Variants in KIAA1191 observed in about 807,000 individuals in gnomAD.
The protein encoded by KIAA1191 is putative monooxygenase p33MONOX.
In KIAA1191, 22 loss-of-function variants were observed where a neutral mutation model predicts 31.1. The ratio of observed to expected loss-of-function variants is 0.71; its 90% CI spans 0.51 to 1.01. The LOEUF is 1.01. Among genes scored for constraint, KIAA1191 ranks in the 50% least tolerant of loss-of-function variants. The probability of loss-of-function intolerance (pLI) is 0.00; values close to 1 mark genes in which losing one functional copy is unlikely to be tolerated. For synonymous variants in KIAA1191, 130 were observed against 143.9 expected (o/e 0.90, Z 0.69); for missense variants, 319 against 388.0 (o/e 0.82, Z 1.49).
rs1766609114 is a variant in KIAA1191 at position 176,347,497 on chromosome 5, A to G, written c.*103T>C. On this transcript the variant is annotated 3_prime_UTR_variant, in exon 9 of 9. Transcript: ENST00000298569. ...ATTACAGGCGTGAGCCACCACGCCC[A>G]GCTGATTAAGTTTTTAAATATACCT... 1.0e-6 allele frequency: 1 copy of G among 969,832 alleles called. No individual in the cohort carries two copies. The highest frequency in any genetic ancestry group is 1.4e-6 in the Non-Finnish European group (1 of 690,458). The allele number at this position is 969,832 out of a possible 1,614,324, so 60.1% of individuals were successfully genotyped here. A position where few individuals can be genotyped will look rare whatever the true frequency, so the allele number is the denominator to read the frequency against.
intron 6 of KIAA1191, among the ~76,000 whole-genome samples, chr5:176,349,606 G>C (rs1174197087): frequency 6.6e-6 from 1 of 152,074 alleles, no homozygotes; most frequent in African/African-American, 2.4e-5. Flanking sequence ...CCGGGAGGCA[G>C]AGGTTGCAGT....
rs192037999 is a variant in KIAA1191 at position 176,361,548 on chromosome 5, T to A, written c.-168+54A>T. On this transcript the variant is annotated intron_variant, in intron 1 of 8. Coordinates refer to ENST00000298569, the MANE Select transcript of KIAA1191 (RefSeq NM_020444.5). This position sits in a 1 kb window ranked among gnomAD's most constrained non-coding sequence, Gnocchi z 4.0. ...CGGGCCTCGCCGGAAGCGCCCCTCCTGATCGCCAGAGAACGCAGCCCCAAG... is the reference window on the plus strand; with the variant it reads ...CGGGCCTCGCCGGAAGCGCCCCTCCAGATCGCCAGAGAACGCAGCCCCAAG... 1 of 152,490 alleles carries A rather than the reference T, an allele frequency of 6.6e-6. No homozygotes were observed. The highest frequency in any genetic ancestry group is 1.5e-5 in the Non-Finnish European group (1 of 68,296). 9.4% of individuals were successfully genotyped at this position (152,490 alleles called of 1,614,324 possible).
intron 4 of KIAA1191, among the ~76,000 whole-genome samples, chr5:176,354,922 T>C (rs543864207): frequency 2.7e-4 from 35 of 130,472 alleles, no homozygotes; most frequent in Non-Finnish European, 5.1e-4. Context: ...GAAGAGACTT[T>C]TGAGCTAAGA....
chr5:176,351,145 A>G (rs1766956906), intron 5 of KIAA1191, among the ~76,000 whole-genome samples: 1 of 152,024 alleles, frequency 6.6e-6, no homozygotes, highest in Non-Finnish European at 1.5e-5. Flanking sequence ...CATCCAGACC[A>G]TCCTGGCTAA....
At position 176,350,627 on chromosome 5, in the gene KIAA1191, C is replaced by T. The variant is rs4368747; in HGVS notation, c.445G>A (p.Ala149Thr). The T allele has an allele frequency of 6.2e-7, 1 of 1,613,848 alleles. No homozygotes were observed. The highest frequency in any genetic ancestry group is 1.7e-5 in the Admixed American group (1 of 60,008). The change falls in exon 6 of 9, where the codon GCC (alanine) becomes ACC (threonine). Residue 149 changes from alanine (A) to threonine (T), a missense_variant. Transcript: ENST00000298569. Reference sequence around the variant, plus strand: ...TAAGAGCTTACGTGGAGTGCTTCGGCCACTCGAAGGTACTTGGTCTCCTCG... The same window carrying T: ...TAAGAGCTTACGTGGAGTGCTTCGGTCACTCGAAGGTACTTGGTCTCCTCG... Reference protein sequence around the residue: ...TTEETKYLRVAEALHKLKLQS... With the variant: ...TTEETKYLRVTEALHKLKLQS...
At chr5:176,354,146 A>G (rs1478308112) in intron 4 of KIAA1191, 1 of 152,296 alleles carries the variant, frequency 6.6e-6, no homozygotes, top group Non-Finnish European at 1.5e-5. Flanking sequence ...CTACACAGCT[A>G]ATACACAATG....
At position 176,346,675 on chromosome 5, in the gene KIAA1191, T is replaced by C. The variant is rs936868922; in HGVS notation, c.*925A>G. The C allele has an allele frequency of 1.1e-4, 17 of 152,276 alleles. No individual in the cohort carries two copies. Among genetic ancestry groups the C allele is most frequent in the African/African-American group, 3.6e-4 (15 of 41,472 alleles). 9.4% of individuals were successfully genotyped at this position (152,276 alleles called of 1,614,324 possible). On this transcript the variant is annotated 3_prime_UTR_variant, in exon 9 of 9. Transcript: ENST00000298569. ...AAGAGGAGCATGCCTCCTCCGGCAC[T>C]GGCCTAAGAGGCCCCACATGAAGAA... is the stretch of plus-strand genomic sequence containing the variant.
rs140287568 is a variant in KIAA1191 at position 176,352,482 on chromosome 5, C to T, written c.334+140G>A. 27 of 942,686 alleles carry T rather than the reference C, an allele frequency of 2.9e-5. No individual in the cohort carries two copies. The African/African-American group carries it at 3.9e-4, about 14-fold the overall frequency. The allele number at this position is 942,686 out of a possible 1,614,324, so 58.4% of individuals were successfully genotyped here. On this transcript the variant is annotated intron_variant, in intron 5 of 8. Coordinates refer to ENST00000298569, the MANE Select transcript of KIAA1191 (RefSeq NM_020444.5). ...TTAATAAATGGAGCTTCAATACTGA[C>T]ATGATTCAGCAGCCAAACTGACATT...
intron 2 of KIAA1191, 113 bp from the exon 3 acceptor site, chr5:176,359,680 G>T (rs1387822480): frequency 6.6e-6 from 4 of 603,906 alleles, no homozygotes; most frequent in African/African-American, 1.9e-5. Flanking sequence ...ACATGCAAGA[G>T]CCAGTGGGTG....
rs1321301111 is a variant in KIAA1191, at chr5:176,347,515, A to G, written c.*85T>C. ...CACGCCCAGCTGATTAAGTTTTTAA[A>G]TATACCTTTCCTATGTCAAAGCCAA... is the stretch of plus-strand genomic sequence containing the variant. On this transcript the variant is annotated 3_prime_UTR_variant, in exon 9 of 9. Coordinates refer to ENST00000298569, the MANE Select transcript of KIAA1191 (RefSeq NM_020444.5). 1 of 1,158,236 alleles carries G rather than the reference A, an allele frequency of 8.6e-7. No homozygotes were observed. Among genetic ancestry groups the G allele is most frequent in the Admixed American group, 2.7e-5 (1 of 37,474 alleles). 71.7% of individuals were successfully genotyped at this position (1,158,236 alleles called of 1,614,324 possible). A position where few individuals can be genotyped will look rare whatever the true frequency, so the allele number is the denominator to read the frequency against.
In KIAA1191 at chr5:176,361,488, G is replaced by A. The variant is rs1581384832; in HGVS notation, c.-168+114C>T. ...GCCGGGATGAAGGGTTAAGAGGTGCGGGGAGAGGGGAGTGGCTTGGAGGGG... is the reference window on the plus strand; with the variant it reads ...GCCGGGATGAAGGGTTAAGAGGTGCAGGGAGAGGGGAGTGGCTTGGAGGGG... On this transcript the variant is annotated intron_variant, in intron 1 of 8. Transcript: ENST00000298569. This position sits in a 1 kb window ranked among gnomAD's most constrained non-coding sequence, Gnocchi z 4.0. 6.6e-6 allele frequency: 1 copy of A among 152,584 alleles called. No homozygotes were observed. Among genetic ancestry groups the A allele is most frequent in the South Asian group, 2.1e-4 (1 of 4,834 alleles). 9.5% of individuals were successfully genotyped at this position (152,584 alleles called of 1,614,324 possible).
At chr5:176,359,724 C>A in intron 2 of KIAA1191, 87 bp downstream of exon 2, 1 of 527,836 alleles carries the variant, frequency 1.9e-6, no homozygotes, top group East Asian at 3.2e-5. Flanking sequence ...AGGATAAAGT[C>A]AAACGTCTCA....
Position 176,352,678 on chromosome 5 carries a change from T to C in KIAA1191, c.278A>G (p.Lys93Arg). The C allele has an allele frequency of 6.2e-7, 1 of 1,614,030 alleles. No homozygotes were observed. Among genetic ancestry groups the C allele is most frequent in the Non-Finnish European group, 8.5e-7 (1 of 1,179,922 alleles). ...AGCTTTAGCCTTCACCACTGGGACC[T>C]TGTCCACACTGTCAATGGCTGATGA... ...TLSSAIDSVD[K>R]VPVVKAKATH... Residue 93 changes from lysine to arginine, a missense_variant, in exon 5 of 9, where the codon AAG becomes AGG. Physicochemically the swap from Lys to Arg is conservative, Grantham distance 26. Coordinates refer to ENST00000298569, the MANE Select transcript of KIAA1191 (RefSeq NM_020444.5).
In KIAA1191 at chr5:176,355,490, C is replaced by T; in HGVS notation, c.207+81G>A. On this transcript the variant is annotated intron_variant, in intron 4 of 8. Coordinates refer to ENST00000298569, the MANE Select transcript of KIAA1191 (RefSeq NM_020444.5). This position sits in a 1 kb window ranked among gnomAD's most constrained non-coding sequence, Gnocchi z 4.2. ...TGGTTGCTGCCCAGTCCCATGGGCA[C>T]AGGGAGCCACTGAAGGCTTCTGGAG... 2 of 1,376,020 alleles carry T rather than the reference C, an allele frequency of 1.5e-6. No homozygotes were observed. The highest frequency in any genetic ancestry group is 2.6e-5 in the South Asian group (2 of 77,550). 85.2% of individuals were successfully genotyped at this position (1,376,020 alleles called of 1,614,324 possible). A position where few individuals can be genotyped will look rare whatever the true frequency, so the allele number is the denominator to read the frequency against.
intron 5 of KIAA1191, 102 bp downstream of exon 5, chr5:176,352,520 G>A (rs1767121883): frequency 7.4e-7 from 1 of 1,357,332 alleles, no homozygotes; most frequent in Non-Finnish European, 1.0e-6. Context: ...TTAGGATAAG[G>A]TAAGGCGAGC....
In KIAA1191 at chr5:176,348,253, G is replaced by A. The variant is rs1354485699; in HGVS notation, c.563C>T (p.Pro188Leu). Residue 188 changes from proline (P) to leucine (L), a missense_variant, in exon 7 of 9, where the codon CCC becomes CTC. Transcript: ENST00000298569. ...AAGGGTCACAGGAAGGGCTCACCTG[G>A]GCCTCTGCTTAGGTGAAGAGTGCGG... is the stretch of plus-strand genomic sequence containing the variant. ...TTPHSSPKQRPRGWFTSGSST... is the reference protein window; with the variant it reads ...TTPHSSPKQRLRGWFTSGSST... 14 of 1,612,908 alleles carry A rather than the reference G, an allele frequency of 8.7e-6. No homozygotes were observed. In the South Asian group the frequency reaches 9.9e-5, roughly 11 times the overall value.
Position 176,350,694 on chromosome 5 carries a change from C to T in KIAA1191, c.378G>A (p.Gly126=), listed in dbSNP as rs1766919992. 1.2e-6 allele frequency: 2 copies of T among 1,614,172 alleles called. No individual in the cohort carries two copies. Among genetic ancestry groups the T allele is most frequent in the African/African-American group, 1.3e-5 (1 of 75,044 alleles). The change falls in exon 6 of 9, where the codon GGG becomes GGA. Residue 126 remains glycine (G), a synonymous_variant. Coordinates refer to ENST00000298569, the MANE Select transcript of KIAA1191 (RefSeq NM_020444.5). ...GGGGTGTGTAGCCAGCATCTCTCAGCCCTGCCTGTCGCTCAAAATGCTGAA... is the reference window on the plus strand; with the variant it reads ...GGGGTGTGTAGCCAGCATCTCTCAGTCCTGCCTGTCGCTCAAAATGCTGAA... ...ESIQHFERQA[G]LRDAGYTPHK... is the part of the protein sequence containing the mutation.
chr5:176,359,712 G>A (rs1004290862), intron 2 of KIAA1191, 99 bp downstream of exon 2: 2 of 552,306 alleles, frequency 3.6e-6, no homozygotes, highest in African/African-American at 3.8e-5. Context: ...AATGAAAAAA[G>A]AAGGATAAAG....
At chr5:176,352,868 A>C in intron 4 of KIAA1191, 120 bp from the exon 5 acceptor site, 10 of 1,145,224 alleles carry the variant, frequency 8.7e-6, no homozygotes, top group East Asian at 2.7e-5. Context: ...TGAGGAAATC[A>C]TTGAAGGGAG....
Sources: allele counts gnomAD v4.1 joint callset (sites outside exome capture counted in the v4.1 genomes callset), GRCh38; gene constraint gnomAD v4.1.1; non-coding constraint Gnocchi (gnomAD v3.1); transcripts MANE v1.5; gene names NCBI Gene and HGNC (gene_info 2026-07-23, HGNC 2026-07-21).